Variants in MEOX2 observed in about 807,000 individuals in gnomAD.
MEOX2 encodes homeobox protein MOX-2.
In MEOX2, 11 loss-of-function variants were observed where a neutral mutation model predicts 27.0. That is an observed-to-expected ratio of 0.41 (90% confidence interval 0.26 to 0.68). MEOX2 has a LOEUF of 0.68. MEOX2 is among the 30% of genes least tolerant of loss of function. The probability of loss-of-function intolerance (pLI) is 0.33; values close to 1 mark genes in which losing one functional copy is unlikely to be tolerated. For synonymous variants in MEOX2, 189 were observed against 155.4 expected (o/e 1.22, Z -1.61); for missense variants, 436 against 385.4 (o/e 1.13, Z -1.10).
intron 2 of MEOX2, among the ~76,000 whole-genome samples, chr7:15,615,402 A>C (rs1014412016): frequency 7.3e-6 from 1 of 137,800 alleles, no homozygotes; most frequent in Admixed American, 7.7e-5. Flanking sequence ...GTTATATTTC[A>C]ATCTCCTATT....
intron 1 of MEOX2, chr7:15,679,810 T>C (rs1374540239): frequency 2.0e-5 from 3 of 152,018 alleles, no homozygotes; most frequent in African/African-American, 7.2e-5. Flanking sequence ...GGTTTTTCTA[T>C]CTTTCATACA....
chr7:15,614,563 T>G (rs1781093417), intron 2 of MEOX2, among the ~76,000 whole-genome samples: 2 of 152,180 alleles, frequency 1.3e-5, no homozygotes. Flanking sequence ...TAACCCAGCT[T>G]TTTTCCAGTG....
chr7:15,674,021 T>A (rs1158628780), intron 1 of MEOX2, among the ~76,000 whole-genome samples: 1 of 152,022 alleles, frequency 6.6e-6, no homozygotes, highest in East Asian at 1.9e-4. Flanking sequence ...GATAGACAGA[T>A]AGATATAATA....
intron 2 of MEOX2, among the ~76,000 whole-genome samples, chr7:15,617,334 C>T (rs1032472956): frequency 4.0e-5 from 6 of 151,808 alleles, no homozygotes; most frequent in Non-Finnish European, 1.5e-5. Context: ...TGAAAACATG[C>T]AAAGGATAAT....
intron 2 of MEOX2, among the ~76,000 whole-genome samples, chr7:15,622,265 A>G (rs182026918): frequency 6.6e-6 from 1 of 152,306 alleles, no homozygotes; most frequent in East Asian, 1.9e-4. Context: ...ATACACATAC[A>G]TATATATCTG....
At chr7:15,644,236 G>C (rs1781608225) in intron 1 of MEOX2, among the ~76,000 whole-genome samples, 2 of 152,078 alleles carry the variant, frequency 1.3e-5, no homozygotes, top group South Asian at 2.1e-4. Context: ...GGCCTACCTA[G>C]GTTCAAGCAG....
chr7:15,658,361 A>G (rs1670883493), intron 1 of MEOX2, among the ~76,000 whole-genome samples: 1 of 152,138 alleles, frequency 6.6e-6, no homozygotes, highest in African/African-American at 2.4e-5. Flanking sequence ...ATTTTTTCCT[A>G]CGGTGTTTGA....
intron 1 of MEOX2, among the ~76,000 whole-genome samples, chr7:15,673,195 G>A (rs1459411057): frequency 1.3e-5 from 2 of 152,178 alleles, no homozygotes; most frequent in African/African-American, 4.8e-5. Context: ...TTTTTCCTTA[G>A]GGAGTGCATA....
At chr7:15,629,112 C>T (rs17168927) in intron 1 of MEOX2, among the ~76,000 whole-genome samples, 9,860 of 152,168 alleles carry the variant, frequency 0.065, 377 homozygotes, top group Middle Eastern at 0.13. Flanking sequence ...ATGGTTAGCA[C>T]ATTCCCTTAT....
intron 1 of MEOX2, among the ~76,000 whole-genome samples, chr7:15,657,549 C>T (rs1048504089): frequency 6.6e-6 from 1 of 152,048 alleles, no homozygotes; most frequent in Non-Finnish European, 1.5e-5. Context: ...TCCTTTATGT[C>T]TTCTAGAGCA....
At chr7:15,641,648 T>C (rs1223619701) in intron 1 of MEOX2, among the ~76,000 whole-genome samples, 1 of 152,148 alleles carries the variant, frequency 6.6e-6, no homozygotes, top group Non-Finnish European at 1.5e-5. Context: ...GTTTTGTTCC[T>C]CTAATAGTGT....
intron 2 of MEOX2, among the ~76,000 whole-genome samples, chr7:15,613,465 A>G (rs953112888): frequency 1.3e-5 from 2 of 151,630 alleles, no homozygotes; most frequent in African/African-American, 2.4e-5. Context: ...GCATTATTGC[A>G]TCTTGTTTAG....
rs908742598 is a variant in MEOX2 at position 15,646,394 on chromosome 7, A to G, written c.518-19476T>C. 1.8e-4 allele frequency among the ~76,000 whole-genome samples: 28 copies of G among 152,120 alleles called. No homozygotes were observed. In the East Asian group the frequency reaches 5.4e-3, roughly 29 times the overall value. ...CTATTATTCTACTATCATCTCTCAC[A>G]TAGCTACACAGCTACTTCTTCCTGC... is the stretch of plus-strand genomic sequence containing the variant. On this transcript the variant is annotated intron_variant, in intron 1 of 2. Coordinates refer to ENST00000262041, the MANE Select transcript of MEOX2 (RefSeq NM_005924.5).
chr7:15,677,853 C>A (rs1180461636), intron 1 of MEOX2, among the ~76,000 whole-genome samples: 1 of 152,160 alleles, frequency 6.6e-6, no homozygotes, highest in African/African-American at 2.4e-5. Flanking sequence ...TAGGATAAAT[C>A]TTTTATGATT....
chr7:15,650,227 C>A (rs1184031418), intron 1 of MEOX2, among the ~76,000 whole-genome samples: 1 of 152,038 alleles, frequency 6.6e-6, no homozygotes. Flanking sequence ...AATTGCACCA[C>A]AATTTTCCCA....
rs774437329 is a variant in MEOX2 at position 15,686,080 on chromosome 7, A to T, written c.323T>A (p.Leu108His). Residue 108 changes from leucine to histidine, a missense_variant, in exon 1 of 3, where the codon CTC becomes CAC. Physicochemically the swap from Leu to His is moderately conservative, Grantham distance 99 (BLOSUM62 -3). Transcript: ENST00000262041. The stretch of plus-strand genomic sequence containing the variant: ...CCCTCCAGAGTCGGGCTGGAGGCAG[A>T]GGCTGTGCCGAGCCGCACTCGGTGG... ...SSPPSAARHS[L>H]CLQPDSGGPP... is the part of the protein sequence containing the mutation. 1.3e-6 allele frequency: 2 copies of T among 1,592,508 alleles called. No homozygotes were observed. The highest frequency in any genetic ancestry group is 3.5e-5 in the Admixed American group (2 of 56,792).
intron 1 of MEOX2, among the ~76,000 whole-genome samples, chr7:15,646,155 T>C (rs1424250493): frequency 6.6e-6 from 1 of 152,100 alleles, no homozygotes; most frequent in African/African-American, 2.4e-5. Flanking sequence ...TTTATTTATC[T>C]GATAGTTTTA....
At chr7:15,661,399 G>A (rs1488417995) in intron 1 of MEOX2, among the ~76,000 whole-genome samples, 2 of 152,122 alleles carry the variant, frequency 1.3e-5, no homozygotes, top group Non-Finnish European at 2.9e-5. Context: ...TAATATATTA[G>A]CATATTCATG....
At chr7:15,664,347 T>A (rs1781964540) in intron 1 of MEOX2, among the ~76,000 whole-genome samples, 1 of 152,204 alleles carries the variant, frequency 6.6e-6, no homozygotes, top group African/African-American at 2.4e-5. Context: ...ACATCTTACC[T>A]GACCTTGTAT....
Sources: gnomAD v4.1 joint callset for allele counts (sites outside exome capture counted in the v4.1 genomes callset) on GRCh38, gnomAD v4.1.1 for gene constraint, MANE v1.5 for transcripts, NCBI Gene and HGNC (gene_info 2026-07-23, HGNC 2026-07-21) for gene names.